The following PDHB variants were observed in gnomAD, a reference collection of about 807,000 sequenced individuals.
PDHB encodes pyruvate dehydrogenase E1 subunit beta.
Under a neutral mutation model 42.8 loss-of-function variants are expected in PDHB, and 17 were observed. That is an observed-to-expected ratio of 0.40 (90% confidence interval 0.27 to 0.60). The LOEUF (loss-of-function observed/expected upper bound fraction) is 0.60. PDHB is among the 20% of genes least tolerant of loss of function. PDHB has a pLI of 0.46. For missense variants in PDHB, 322 were observed against 451.3 expected, an observed-to-expected ratio of 0.71 and a Z score of 2.60; for synonymous variants, 154 against 148.7, an observed-to-expected ratio of 1.04 and a Z score of -0.26.
chr3:58,428,350 A>T (rs2062891209), intron 9 of PDHB, 123 bp downstream of exon 9: 1 of 1,282,262 alleles, frequency 7.8e-7, no homozygotes. Context: ...TGCCAAACTT[A>T]CAAGTTTAAA....
chr3:58,433,723 T>A, intron 1 of PDHB, 39 bp from the exon 2 acceptor site: 1 of 1,612,050 alleles, frequency 6.2e-7, no homozygotes, highest in Middle Eastern at 1.7e-4. Flanking sequence ...GGACGCAGGG[T>A]GGGCAGGGGT....
In PDHB at chr3:58,431,566, A is replaced by G. The variant is rs375372930; in HGVS notation, c.303+27T>C. 42 of 1,554,146 alleles carry G rather than the reference A, an allele frequency of 2.7e-5. No homozygotes were observed. The highest frequency in any genetic ancestry group is 4.6e-4 in the Middle Eastern group (2 of 4,366). The stretch of plus-strand genomic sequence containing the variant: ...AAAAGAAAACAAGAAATGTCTTTGG[A>G]TAAGTTTCATAAAGAGTATTACATA... On this transcript the variant is annotated intron_variant, in intron 5 of 9. Transcript: ENST00000302746. This position sits in a 1 kb window ranked among gnomAD's most constrained non-coding sequence, Gnocchi z 4.4.
intron 2 of PDHB, 65 bp downstream of exon 2, chr3:58,433,566 G>T: frequency 6.5e-7 from 1 of 1,527,856 alleles, no homozygotes. Flanking sequence ...CGCGACTCCG[G>T]CCTCCTTCCC....
chr3:58,428,243 A>T, intron 9 of PDHB, 64 bp from the exon 10 acceptor site: 1 of 1,473,322 alleles, frequency 6.8e-7, no homozygotes. Context: ...ACCTTGGCAC[A>T]GAGGTGTGGC....
rs895619508 is a variant in PDHB at position 58,431,380 on chromosome 3, C to T, written c.303+213G>A. On this transcript the variant is annotated intron_variant, in intron 5 of 9. Transcript: ENST00000302746. This position sits in a 1 kb window ranked among gnomAD's most constrained non-coding sequence, Gnocchi z 4.4. ...CCTGGCCAACATGGTAAAACCCCAT[C>T]TCTACTAAAAACACAAAAATTGGCT... 1.6e-5 allele frequency: 9 copies of T among 553,388 alleles called. No individual in the cohort carries two copies. The highest frequency in any genetic ancestry group is 3.8e-5 in the African/African-American group (2 of 52,818). The allele number at this position is 553,388 out of a possible 1,614,324, so 34.3% of individuals were successfully genotyped here.
intron 7 of PDHB, 141 bp downstream of exon 7, chr3:58,429,987 C>G (rs903910596): frequency 1.4e-6 from 1 of 736,562 alleles, no homozygotes; most frequent in Admixed American, 2.0e-5. Context: ...TAGAAAAGCA[C>G]AACTGAATGA....
chr3:58,430,073 A>C, intron 7 of PDHB, 55 bp downstream of exon 7: 5 of 1,096,330 alleles, frequency 4.6e-6, no homozygotes, highest in South Asian at 2.6e-5. Context: ...ATTAAATTTT[A>C]CCAAAATTGA....
chr3:58,430,358 T>G, intron 6 of PDHB, 120 bp from the exon 7 acceptor site: 28 of 736,722 alleles, frequency 3.8e-5, no homozygotes, highest in Non-Finnish European at 5.9e-5. Context: ...GCCTTATCTC[T>G]ACCATGACCA....
chr3:58,433,660 A>AG lies in PDHB; in HGVS notation c.66dup (p.Phe23LeufsTer15). On this transcript the variant is annotated frameshift_variant, in exon 2 of 10. Coordinates refer to ENST00000302746, the MANE Select transcript of PDHB (RefSeq NM_000925.4). LOFTEE classifies it high-confidence loss of function. ...AGCGCAGCCGGCGCGGTCCAGTGAA[A>AG]GCGCCTCTTCAGCAGCCCGGAGACC... is the stretch of plus-strand genomic sequence containing the variant. 6.2e-7 allele frequency: 1 copy of AG among 1,612,722 alleles called. No homozygotes were observed. The highest frequency in any genetic ancestry group is 8.5e-7 in the Non-Finnish European group (1 of 1,179,660).
chr3:58,429,984 G>C, intron 7 of PDHB, 144 bp downstream of exon 7: 1 of 735,428 alleles, frequency 1.4e-6, no homozygotes, highest in Non-Finnish European at 2.5e-6. Flanking sequence ...ATCTAGAAAA[G>C]CACAACTGAA....
Position 58,431,589 on chromosome 3 carries a change from A to G in PDHB, c.303+4T>C. On this transcript the variant is annotated splice_donor_region_variant and intron_variant, in intron 5 of 9. Transcript: ENST00000302746. This position sits in a 1 kb window ranked among gnomAD's most constrained non-coding sequence, Gnocchi z 4.4. ...GGATAAGTTTCATAAAGAGTATTACATACCATAGCTGCACCTACAGCAATT... is the reference window on the plus strand; with the variant it reads ...GGATAAGTTTCATAAAGAGTATTACGTACCATAGCTGCACCTACAGCAATT... 6.3e-7 allele frequency: 1 copy of G among 1,597,792 alleles called. No homozygotes were observed. Among genetic ancestry groups the G allele is most frequent in the Non-Finnish European group, 8.6e-7 (1 of 1,166,670 alleles).
Position 58,427,877 on chromosome 3 carries a change from A to G in PDHB, c.*157T>C, listed in dbSNP as rs886486487. The G allele has an allele frequency of 4.3e-6, 3 of 691,934 alleles. No homozygotes were observed. The highest frequency in any genetic ancestry group is 5.2e-6 in the Non-Finnish European group (2 of 382,634). The allele number at this position is 691,934 out of a possible 1,614,324, so 42.9% of individuals were successfully genotyped here. On this transcript the variant is annotated 3_prime_UTR_variant, in exon 10 of 10. Coordinates refer to ENST00000302746, the MANE Select transcript of PDHB (RefSeq NM_000925.4). ...AGGGGAGGAGAGTGGAGAGTTTTCCATACACAAACACATTTAAACTTCCCT... is the reference window on the plus strand; with the variant it reads ...AGGGGAGGAGAGTGGAGAGTTTTCCGTACACAAACACATTTAAACTTCCCT...
rs370072205 is a variant in PDHB at position 58,428,012 on chromosome 3, C to T, written c.*22G>A. On this transcript the variant is annotated 3_prime_UTR_variant, in exon 10 of 10. Coordinates refer to ENST00000302746, the MANE Select transcript of PDHB (RefSeq NM_000925.4). ...AGCAAGTATTTCAAATAAATTTCAA[C>T]GACTTGATATTCAAGTCCAAACTAA... 7 of 1,546,060 alleles carry T rather than the reference C, an allele frequency of 4.5e-6. No individual in the cohort carries two copies. Among genetic ancestry groups the T allele is most frequent in the African/African-American group, 2.7e-5 (2 of 73,600 alleles).
At chr3:58,430,402 G>A (rs1174533546) in intron 6 of PDHB, among the ~76,000 whole-genome samples, 164 bp from the exon 7 acceptor site, 20 of 152,198 alleles carry the variant, frequency 1.3e-4, no homozygotes, top group Admixed American at 1.3e-3. Context: ...ACTTAAATTT[G>A]TAGTGGTCAA....
At chr3:58,429,264 CAG>C (rs899183022) in intron 8 of PDHB, among the ~76,000 whole-genome samples, 2 of 152,104 alleles carry the variant, frequency 1.3e-5, no homozygotes, top group African/African-American at 4.8e-5. Flanking sequence ...GCTGATGAAA[CAG>C]ATTTAGAGTA....
At position 58,427,951 on chromosome 3, in the gene PDHB, A is replaced by T; in HGVS notation, c.*83T>A. On this transcript the variant is annotated 3_prime_UTR_variant, in exon 10 of 10. Coordinates refer to ENST00000302746, the MANE Select transcript of PDHB (RefSeq NM_000925.4). ...TTAGAAATCGTTTTCCGTTATGAAT[A>T]GTCAGGTCTTGCAGTACAAATCCAG... is the stretch of plus-strand genomic sequence containing the variant. 1 of 994,856 alleles carries T rather than the reference A, an allele frequency of 1.0e-6. No individual in the cohort carries two copies. The highest frequency in any genetic ancestry group is 1.6e-6 in the Non-Finnish European group (1 of 637,332). 61.6% of individuals were successfully genotyped at this position (994,856 alleles called of 1,614,324 possible).
In PDHB at chr3:58,433,625, T is replaced by A. The variant is rs765703598; in HGVS notation, c.96+6A>T. The A allele has an allele frequency of 7.5e-6, 12 of 1,609,392 alleles. No individual in the cohort carries two copies. The Admixed American group carries it at 2.0e-4, about 27-fold the overall frequency. On this transcript the variant is annotated splice_donor_region_variant and intron_variant, in intron 2 of 9. Transcript: ENST00000302746. ...CCCTCGTCCGACGAGCACCCGCGCC[T>A]GTTACCTGCAGCGCAGCCGGCGCGG... is the stretch of plus-strand genomic sequence containing the variant.
At position 58,431,503 on chromosome 3, in the gene PDHB, G is replaced by A. The variant is rs1349080739; in HGVS notation, c.303+90C>T. 1.6e-5 allele frequency: 17 copies of A among 1,038,092 alleles called. No individual in the cohort carries two copies. The highest frequency in any genetic ancestry group is 2.4e-5 in the Non-Finnish European group (16 of 661,216). The allele number at this position is 1,038,092 out of a possible 1,614,324, so 64.3% of individuals were successfully genotyped here. A position where few individuals can be genotyped will look rare whatever the true frequency, so the allele number is the denominator to read the frequency against. ...CTGAGATGGTGCCAGTGCACTCCAG[G>A]CTGGACAACAGAGTGAGACTCTGTC... On this transcript the variant is annotated intron_variant, in intron 5 of 9. Transcript: ENST00000302746. This position sits in a 1 kb window ranked among gnomAD's most constrained non-coding sequence, Gnocchi z 4.4.
Position 58,431,205 on chromosome 3 carries a change from T to C in PDHB, c.304-263A>G. ...GCAGGCAAGCACCACCACATCTACC[T>C]ACTTGGTATTTTTTTTTTTTCCCAA... On this transcript the variant is annotated intron_variant, in intron 5 of 9. Coordinates refer to ENST00000302746, the MANE Select transcript of PDHB (RefSeq NM_000925.4). The surrounding 1 kb of genome is among the most constrained non-coding windows in gnomAD (Gnocchi z 4.4). 3.8e-6 allele frequency: 2 copies of C among 532,534 alleles called. No individual in the cohort carries two copies. Among genetic ancestry groups the C allele is most frequent in the Non-Finnish European group, 3.3e-6 (1 of 298,910 alleles). 33.0% of individuals were successfully genotyped at this position (532,534 alleles called of 1,614,324 possible).
Sources: gnomAD v4.1 joint callset for allele counts (sites outside exome capture counted in the v4.1 genomes callset) on GRCh38, gnomAD v4.1.1 for gene constraint, Gnocchi (gnomAD v3.1) non-coding constraint, MANE v1.5 for transcripts, NCBI Gene and HGNC (gene_info 2026-07-23, HGNC 2026-07-21) for gene names.